Variants in METTL15 observed in about 807,000 individuals in gnomAD.
METTL15 encodes the protein methyltransferase 15, mitochondrial 12S rRNA N4-cytidine, also known as 12S rRNA N(4)-cytidine methyltransferase METTL15.
Under a neutral mutation model 38.3 loss-of-function variants are expected in METTL15, and 34 were observed. The observed-to-expected ratio is 0.89, with a 90% confidence interval of 0.68 to 1.18. The LOEUF (loss-of-function observed/expected upper bound fraction) is 1.18, where lower values mean the gene tolerates loss of function less well. Ranked by LOEUF, METTL15 falls within the 50% of genes most tolerant of loss-of-function variation. The pLI is 0.00. For synonymous variants in METTL15, 162 were observed against 170.9 expected, an observed-to-expected ratio of 0.95 and a Z score of 0.41; for missense variants, 438 against 498.4, an observed-to-expected ratio of 0.88 and a Z score of 1.15.
chr11:28,293,311 G>T (rs1383622164), intron 5 of METTL15, among the ~76,000 whole-genome samples: 2 of 152,160 alleles, frequency 1.3e-5, no homozygotes, highest in East Asian at 3.9e-4. Context: ...ATTAAACAGG[G>T]AATCCTTTCC....
chr11:28,495,893 C>T (rs1049703739), intron 6 of METTL15, among the ~76,000 whole-genome samples: 1 of 152,082 alleles, frequency 6.6e-6, no homozygotes, highest in Non-Finnish European at 1.5e-5. Context: ...GAGAAATGAA[C>T]CCAAATACAG....
intron 6 of METTL15, among the ~76,000 whole-genome samples, chr11:28,324,500 C>T (rs1163762263): frequency 6.6e-6 from 1 of 152,084 alleles, no homozygotes; most frequent in Non-Finnish European, 1.5e-5. Flanking sequence ...TAAGGATGTT[C>T]TCAATCATTA....
At chr11:28,255,666 G>A (rs1041951838) in intron 4 of METTL15, among the ~76,000 whole-genome samples, 1 of 152,138 alleles carries the variant, frequency 6.6e-6, no homozygotes, top group African/African-American at 2.4e-5. Context: ...AAGGTATATT[G>A]AATTGTATCA....
At chr11:28,217,476 A>C (rs1852944500) in intron 4 of METTL15, among the ~76,000 whole-genome samples, 1 of 152,124 alleles carries the variant, frequency 6.6e-6, no homozygotes, top group South Asian at 2.1e-4. Context: ...TCAGATGAGT[A>C]GGTTGCAAAA....
At chr11:28,287,412 A>G in intron 4 of METTL15, 1 of 412,952 alleles carries the variant, frequency 2.4e-6, no homozygotes, top group Non-Finnish European at 4.8e-6. Flanking sequence ...TGATCACTCC[A>G]CACTTGTTTA....
intron 6 of METTL15, among the ~76,000 whole-genome samples, chr11:28,521,361 T>C (rs752657070): frequency 5.9e-5 from 9 of 152,168 alleles, no homozygotes; most frequent in Non-Finnish European, 1.2e-4. Flanking sequence ...AACAAGGTAA[T>C]TGGGAAAAGA....
chr11:28,164,173 A>G lies in METTL15; in HGVS notation c.271-46889A>G, dbSNP rs567418420. On this transcript the variant is annotated intron_variant, in intron 3 of 6. Transcript: ENST00000407364. Reference sequence around the variant, plus strand: ...TGTTAATATTTCACTTATTACATACACAAACACAACATATGCAGAAGCTCA... The same window carrying G: ...TGTTAATATTTCACTTATTACATACGCAAACACAACATATGCAGAAGCTCA... 9 of 152,222 alleles carry G rather than the reference A, an allele frequency of 5.9e-5. No homozygotes were observed. In the South Asian group the frequency reaches 1.9e-3, roughly 32 times the overall value. The allele number at this position is 152,222 out of a possible 1,614,324, so 9.4% of individuals were successfully genotyped here.
At chr11:28,487,727 G>A (rs1851450101) in intron 6 of METTL15, among the ~76,000 whole-genome samples, 1 of 152,092 alleles carries the variant, frequency 6.6e-6, no homozygotes, top group Admixed American at 6.6e-5. Context: ...CCAATCCACT[G>A]CCTTATCACC....
intron 4 of METTL15, among the ~76,000 whole-genome samples, chr11:28,253,081 A>T (rs759610720): frequency 6.6e-5 from 10 of 152,074 alleles, no homozygotes; most frequent in Admixed American, 1.3e-4. Context: ...ATATGATCCC[A>T]TGGCTTCTGA....
intron 5 of METTL15, among the ~76,000 whole-genome samples, chr11:28,374,830 A>G (rs1032574386): frequency 1.0e-4 from 15 of 150,104 alleles, no homozygotes; most frequent in Non-Finnish European, 1.6e-4. Context: ...ATTATTTTGA[A>G]ATACGTCCCA....
At chr11:28,133,005 C>T (rs539697167) in intron 3 of METTL15, among the ~76,000 whole-genome samples, 14 of 152,198 alleles carry the variant, frequency 9.2e-5, no homozygotes, top group African/African-American at 3.1e-4. Flanking sequence ...AATTTAATTA[C>T]AGTTTCTAAG....
In METTL15 at chr11:28,365,421, A is replaced by G. The variant is rs377402500; in HGVS notation, c.*358+3385A>G. 6.6e-5 allele frequency among the ~76,000 whole-genome samples: 10 copies of G among 152,296 alleles called. 1 individual carries two copies. In the East Asian group the frequency reaches 1.4e-3, roughly 21 times the overall value. ...ATCTTAGGAGGTTGTGTTTCTAAGA[A>G]TGTATGCATGTCCTCTAGATTTTCT... On this transcript the variant is annotated intron_variant and NMD_transcript_variant, in intron 5 of 7. Coordinates refer to the METTL15 transcript ENST00000532947.
At chr11:28,223,739 T>G (rs1273671919) in intron 4 of METTL15, among the ~76,000 whole-genome samples, 4 of 152,112 alleles carry the variant, frequency 2.6e-5, no homozygotes, top group African/African-American at 9.7e-5. Context: ...CCATTTTAGC[T>G]CTTTCAGAAA....
chr11:28,322,003 A>G (rs1051785820), intron 6 of METTL15, among the ~76,000 whole-genome samples: 1 of 152,062 alleles, frequency 6.6e-6, no homozygotes, highest in Non-Finnish European at 1.5e-5. Context: ...TTTTGAAAAA[A>G]AATTAGATTT....
intron 5 of METTL15, among the ~76,000 whole-genome samples, chr11:28,375,813 A>C (rs1762077094): frequency 6.6e-6 from 1 of 150,900 alleles, no homozygotes; most frequent in African/African-American, 2.4e-5. Flanking sequence ...TAGTGCTATA[A>C]ATTTCCCTCT....
chr11:28,131,193 A>G (rs573607657), intron 3 of METTL15, among the ~76,000 whole-genome samples: 8 of 152,292 alleles, frequency 5.3e-5, no homozygotes, highest in Admixed American at 2.6e-4. Flanking sequence ...GAAAGCTTCT[A>G]TTTTGCACAG....
chr11:28,487,984 G>T (rs766801642), intron 6 of METTL15, among the ~76,000 whole-genome samples: 3 of 152,240 alleles, frequency 2.0e-5, no homozygotes, highest in South Asian at 4.1e-4. Context: ...ATTGTAGCTA[G>T]CATCAGAACT....
intron 4 of METTL15, among the ~76,000 whole-genome samples, chr11:28,260,844 T>C (rs1855173025): frequency 3.3e-5 from 5 of 152,184 alleles, no homozygotes; most frequent in Admixed American, 2.6e-4. Context: ...CAAAAGAATC[T>C]GAAATTTACT....
intron 5 of METTL15, among the ~76,000 whole-genome samples, chr11:28,389,811 T>A (rs1414422355): frequency 2.8e-4 from 42 of 151,286 alleles, no homozygotes; most frequent in Admixed American, 1.8e-3. Context: ...CGCCACACTG[T>A]CTTCCACAAT....
Sources: allele counts gnomAD v4.1 joint callset (sites outside exome capture counted in the v4.1 genomes callset), GRCh38; gene constraint gnomAD v4.1.1; transcripts MANE v1.5; gene names NCBI Gene and HGNC (gene_info 2026-07-23, HGNC 2026-07-21).